Variants in ATG2B observed in about 807,000 individuals in gnomAD.
ATG2B encodes autophagy-related protein 2 homolog B.
ATG2B carries 121 observed loss-of-function variants against 241.3 expected under a neutral mutation model. The ratio of observed to expected loss-of-function variants is 0.50; its 90% CI spans 0.43 to 0.58. ATG2B has a LOEUF of 0.58. ATG2B is among the 20% of genes least tolerant of loss of function. The pLI, the probability that ATG2B is intolerant of heterozygous loss-of-function variation, is 0.00. For synonymous variants in ATG2B, 858 were observed against 876.6 expected (o/e 0.98, Z 0.37); for missense variants, 2,306 against 2,491.6 (o/e 0.93, Z 1.59).
At chr14:96,359,172 G>A (rs1888558623) in intron 1 of ATG2B, among the ~76,000 whole-genome samples, 1 of 152,034 alleles carries the variant, frequency 6.6e-6, no homozygotes, top group Non-Finnish European at 1.5e-5. Flanking sequence ...AGGAGTTCAA[G>A]ACCAGCCTGG....
chr14:96,354,580 C>T (rs1407255828), intron 1 of ATG2B, among the ~76,000 whole-genome samples: 1 of 152,168 alleles, frequency 6.6e-6, no homozygotes, highest in African/African-American at 2.4e-5. Context: ...CTGCAATGAA[C>T]ATAAGCGTGC....
chr14:96,350,567 C>T (rs928193322), intron 1 of ATG2B, among the ~76,000 whole-genome samples: 6 of 152,082 alleles, frequency 3.9e-5, no homozygotes, highest in African/African-American at 7.2e-5. Context: ...AACGTAAATG[C>T]GATTTTTAAA....
chr14:96,360,542 C>A (rs1387065789), intron 1 of ATG2B, among the ~76,000 whole-genome samples: 1 of 152,100 alleles, frequency 6.6e-6, no homozygotes, highest in African/African-American at 2.4e-5. Context: ...TCTAAGTCTT[C>A]TGAACAAAGA....
chr14:96,357,915 A>G (rs1052671522), intron 1 of ATG2B, among the ~76,000 whole-genome samples: 4 of 152,146 alleles, frequency 2.6e-5, no homozygotes, highest in African/African-American at 9.7e-5. Context: ...GCATATATTA[A>G]TTGTATAGTA....
chr14:96,336,103 C>T (rs1291613901), intron 6 of ATG2B, among the ~76,000 whole-genome samples: 1 of 149,616 alleles, frequency 6.7e-6, no homozygotes, highest in African/African-American at 2.5e-5. Context: ...AAACTGAATA[C>T]ATGAAACACA....
intron 8 of ATG2B, among the ~76,000 whole-genome samples, chr14:96,333,130 AT>A (rs1887784009): frequency 6.6e-6 from 1 of 152,058 alleles, no homozygotes; most frequent in South Asian, 2.1e-4. Context: ...TATGGCCAAA[AT>A]TTTTTGAGTA....
rs1886298805 is a variant in ATG2B at position 96,285,069 on chromosome 14, TTTATA to T, written c.*681_*685del. The T allele has an allele frequency of 6.6e-6, 1 of 152,266 alleles. No individual in the cohort carries two copies. The highest frequency in any genetic ancestry group is 1.5e-5 in the Non-Finnish European group (1 of 68,050). 9.4% of individuals were successfully genotyped at this position (152,266 alleles called of 1,614,324 possible). A position where few individuals can be genotyped will look rare whatever the true frequency, so the allele number is the denominator to read the frequency against. ...AAACTTTCAGACAAGTTTACTGCTC[TTTATA>T]TTTTGTGTAACTTTGTAAATTATAC... On this transcript the variant is annotated 3_prime_UTR_variant, in exon 42 of 42. Coordinates refer to ENST00000359933, the MANE Select transcript of ATG2B (RefSeq NM_018036.7). The surrounding 1 kb of genome is among the most constrained non-coding windows in gnomAD (Gnocchi z 4.2).
In ATG2B at chr14:96,306,772, C is replaced by T. The variant is rs746386000; in HGVS notation, c.4448G>A (p.Gly1483Asp). The change falls in exon 30 of 42, where the codon GGT becomes GAT. Residue 1483 changes from glycine (G) to aspartate (D), a missense_variant. Gly to Asp is a moderately conservative substitution (Grantham distance 94, BLOSUM62 -1). Around this residue, in one of 2 missense-constraint regions of ATG2B, gnomAD observed 1,927 missense variants for 2,011.2 expected, o/e 0.96. Transcript: ENST00000359933. ...AAAGTCATCATTCTCAGTGGGCACACCTGTCATTGCATCACTGATGAAATG... is the reference window on the plus strand; with the variant it reads ...AAAGTCATCATTCTCAGTGGGCACATCTGTCATTGCATCACTGATGAAATG... Reference protein sequence around the residue: ...SHHFISDAMTGVPTENDDFCI... With the variant: ...SHHFISDAMTDVPTENDDFCI... 3 of 1,613,832 alleles carry T rather than the reference C, an allele frequency of 1.9e-6. No homozygotes were observed. The highest frequency in any genetic ancestry group is 2.5e-6 in the Non-Finnish European group (3 of 1,180,004).
intron 1 of ATG2B, 141 bp downstream of exon 1, chr14:96,362,674 A>C (rs1888693523): frequency 1.2e-6 from 1 of 820,810 alleles, no homozygotes; most frequent in Admixed American, 2.6e-5. Flanking sequence ...ACACTCTAAC[A>C]CATTTCTCTG....
intron 11 of ATG2B, among the ~76,000 whole-genome samples, chr14:96,329,962 G>A (rs931038808): frequency 2.6e-5 from 4 of 151,874 alleles, no homozygotes; most frequent in Non-Finnish European, 4.4e-5. Context: ...AACTTTAGTC[G>A]GTGAAGCCCA....
intron 7 of ATG2B, 74 bp downstream of exon 7, chr14:96,334,327 GTACA>G: frequency 2.4e-6 from 2 of 837,106 alleles, no homozygotes; most frequent in Middle Eastern, 3.5e-4. Flanking sequence ...TTTCCTACAT[GTACA>G]TACATTACAT....
rs1224179110 is a variant in ATG2B, at chr14:96,328,555, A to G, written c.1975-20T>C. 1 of 1,581,338 alleles carries G rather than the reference A, an allele frequency of 6.3e-7. No homozygotes were observed. Among genetic ancestry groups the G allele is most frequent in the African/African-American group, 1.4e-5 (1 of 72,836 alleles). On this transcript the variant is annotated intron_variant, in intron 13 of 41. Coordinates refer to ENST00000359933, the MANE Select transcript of ATG2B (RefSeq NM_018036.7). ...ATTACCCTTTTAAAAAAAAAAAAGA[A>G]AAGGCATTAATACAATCACTAAAAA...
chr14:96,327,727 G>A (rs1383461708), intron 14 of ATG2B, among the ~76,000 whole-genome samples: 1 of 152,114 alleles, frequency 6.6e-6, no homozygotes, highest in African/African-American at 2.4e-5. Flanking sequence ...TATTTACACA[G>A]GTGTGACAAG....
At chr14:96,361,353 T>C (rs1316284866) in intron 1 of ATG2B, among the ~76,000 whole-genome samples, 1 of 152,184 alleles carries the variant, frequency 6.6e-6, no homozygotes, top group Non-Finnish European at 1.5e-5. Flanking sequence ...ACTTGCTAGA[T>C]GTGTGATGGG....
intron 33 of ATG2B, among the ~76,000 whole-genome samples, chr14:96,302,501 T>G (rs1344589479): frequency 2.0e-5 from 3 of 152,162 alleles, no homozygotes; most frequent in Non-Finnish European, 4.4e-5. Flanking sequence ...GAGGCTAGTT[T>G]GAGCGCAGGA....
intron 38 of ATG2B, 82 bp from the exon 39 acceptor site, chr14:96,291,017 A>C: frequency 7.8e-7 from 1 of 1,287,290 alleles, no homozygotes; most frequent in Non-Finnish European, 1.1e-6. Flanking sequence ...TTTTTACTTA[A>C]AACAAATTCT....
chr14:96,346,428 T>A (rs1426499986), intron 2 of ATG2B, among the ~76,000 whole-genome samples: 2 of 152,246 alleles, frequency 1.3e-5, no homozygotes, highest in Non-Finnish European at 2.9e-5. Context: ...AGTTAAAAGA[T>A]AGAATATTCT....
intron 18 of ATG2B, among the ~76,000 whole-genome samples, chr14:96,320,882 A>G (rs1355957273): frequency 6.6e-6 from 1 of 152,202 alleles, no homozygotes; most frequent in Non-Finnish European, 1.5e-5. Flanking sequence ...TTGAAACTGT[A>G]GATCATATAT....
At chr14:96,344,923 T>G (rs1304523293) in intron 3 of ATG2B, among the ~76,000 whole-genome samples, 167 bp from the exon 4 acceptor site, 1 of 152,188 alleles carries the variant, frequency 6.6e-6, no homozygotes, top group East Asian at 1.9e-4. Context: ...TAATAAATAT[T>G]TTGTCTTACT....
Sources: allele counts gnomAD v4.1 joint callset (sites outside exome capture counted in the v4.1 genomes callset), GRCh38; gene constraint gnomAD v4.1.1; regional missense constraint gnomAD v4.1.1; non-coding constraint Gnocchi (gnomAD v3.1); transcripts MANE v1.5; gene names NCBI Gene and HGNC (gene_info 2026-07-23, HGNC 2026-07-21).